COX5A: variants seen among roughly 807,000 people sequenced by gnomAD.
The protein encoded by COX5A is cytochrome c oxidase subunit 5A, mitochondrial.
COX5A carries 6 observed loss-of-function variants against 16.1 expected under a neutral mutation model. The observed-to-expected ratio is 0.37, with a 90% CI of 0.20 to 0.73. COX5A has a LOEUF of 0.73. Among genes scored for constraint, COX5A ranks in the 30% least tolerant of loss-of-function variants. The pLI, the probability that COX5A is intolerant of heterozygous loss-of-function variation, is 0.50. For synonymous variants in COX5A, 73 were observed against 73.8 expected, an observed-to-expected ratio of 0.99 and a Z score of 0.06; for missense variants, 159 against 194.9, an observed-to-expected ratio of 0.82 and a Z score of 1.10.
chr15:74,930,142 G>T (rs192806671), intron 1 of COX5A, among the ~76,000 whole-genome samples: 1 of 138,934 alleles, frequency 7.2e-6, no homozygotes, highest in Non-Finnish European at 1.6e-5. Context: ...AGACTAGGCC[G>T]GGCGCAGTGG....
At chr15:74,934,407 T>C (rs2141274725) in intron 1 of COX5A, among the ~76,000 whole-genome samples, 1 of 151,872 alleles carries the variant, frequency 6.6e-6, no homozygotes, top group Admixed American at 6.6e-5. Context: ...CTCAGCTCAC[T>C]GCAAGCTCCG....
chr15:74,928,314 C>G (rs1489282991), intron 2 of COX5A, among the ~76,000 whole-genome samples: 2 of 151,706 alleles, frequency 1.3e-5, no homozygotes, highest in Non-Finnish European at 2.9e-5. Flanking sequence ...CATGGCAAAA[C>G]AATGCAAAAA....
intron 4 of COX5A, among the ~76,000 whole-genome samples, chr15:74,922,155 G>C (rs558078572): frequency 6.6e-6 from 1 of 152,318 alleles, no homozygotes; most frequent in Non-Finnish European, 1.5e-5. Context: ...GGGAGGCTGA[G>C]GCGGGTGGAT....
chr15:74,921,516 G>C (rs1288846658), intron 4 of COX5A, among the ~76,000 whole-genome samples: 5 of 151,278 alleles, frequency 3.3e-5, no homozygotes, highest in African/African-American at 7.3e-5. Flanking sequence ...GATCACCTGA[G>C]GTCAGGAGTT....
chr15:74,937,599 G>C (rs1595864308), intron 1 of COX5A: 1 of 233,076 alleles, frequency 4.3e-6, no homozygotes, highest in East Asian at 7.7e-5. Flanking sequence ...GGTGGCCGCA[G>C]GGTCGGCGCT....
At chr15:74,932,089 C>T (rs781782312) in intron 1 of COX5A, among the ~76,000 whole-genome samples, 14 of 152,108 alleles carry the variant, frequency 9.2e-5, no homozygotes, top group Non-Finnish European at 1.8e-4. Flanking sequence ...GGGACGCTAC[C>T]CCCCTTAGCA....
chr15:74,926,478 G>C (rs2065344213), intron 3 of COX5A, among the ~76,000 whole-genome samples: 1 of 131,868 alleles, frequency 7.6e-6, no homozygotes, highest in Admixed American at 8.1e-5. Flanking sequence ...ACACGGCCAA[G>C]ATAAATTCTT....
chr15:74,930,744 T>A (rs1277665713), intron 1 of COX5A, among the ~76,000 whole-genome samples: 2 of 146,366 alleles, frequency 1.4e-5, no homozygotes, highest in Non-Finnish European at 3.0e-5. Context: ...CGGGCCGGGC[T>A]TGGTGGCTCA....
intron 4 of COX5A, among the ~76,000 whole-genome samples, chr15:74,922,873 T>C (rs1246069643): frequency 6.6e-6 from 1 of 151,828 alleles, no homozygotes. Context: ...ACCATGCTGG[T>C]CTCGAACTCC....
chr15:74,936,221 G>A (rs977528297), intron 1 of COX5A, among the ~76,000 whole-genome samples: 2 of 151,948 alleles, frequency 1.3e-5, no homozygotes, highest in African/African-American at 4.8e-5. Context: ...AGCCAAGACC[G>A]TGCTATTGCA....
intron 1 of COX5A, among the ~76,000 whole-genome samples, chr15:74,931,833 CGCG>C (rs1440478451): frequency 6.6e-6 from 1 of 152,062 alleles, no homozygotes; most frequent in Non-Finnish European, 1.5e-5. Flanking sequence ...GGATTACAGA[CGCG>C]AGCCACTGCA....
intron 2 of COX5A, among the ~76,000 whole-genome samples, 153 bp downstream of exon 2, chr15:74,928,963 T>C (rs763163663): frequency 3.9e-5 from 6 of 152,216 alleles, no homozygotes; most frequent in Non-Finnish European, 7.3e-5. Flanking sequence ...AAAATCCTGC[T>C]TTATAGGTAG....
intron 4 of COX5A, among the ~76,000 whole-genome samples, chr15:74,923,078 T>C (rs2065328957): frequency 6.6e-6 from 1 of 152,170 alleles, no homozygotes; most frequent in Non-Finnish European, 1.5e-5. Flanking sequence ...CCTAGAATAT[T>C]GTATGAAGAT....
intron 1 of COX5A, among the ~76,000 whole-genome samples, chr15:74,929,508 T>C (rs2065357383): frequency 6.6e-6 from 1 of 152,204 alleles, no homozygotes; most frequent in South Asian, 2.1e-4. Context: ...CCCTCTGATT[T>C]TAAATTAACA....
chr15:74,936,515 C>A (rs2065390729), intron 1 of COX5A, among the ~76,000 whole-genome samples: 2 of 152,228 alleles, frequency 1.3e-5, no homozygotes, highest in Middle Eastern at 3.4e-3. Context: ...TAGGGACACT[C>A]CGTCTCTAAT....
intron 1 of COX5A, among the ~76,000 whole-genome samples, chr15:74,937,448 C>T (rs1015134843): frequency 2.0e-5 from 3 of 152,190 alleles, no homozygotes; most frequent in African/African-American, 7.2e-5. Flanking sequence ...TAATCGCTAA[C>T]CGAGAAATGC....
intron 1 of COX5A, among the ~76,000 whole-genome samples, chr15:74,933,981 T>C (rs2065377961): frequency 6.6e-6 from 1 of 152,184 alleles, no homozygotes; most frequent in South Asian, 2.1e-4. Flanking sequence ...AAACTGGTTG[T>C]ATTCCAAAAA....
At chr15:74,921,356 C>T (rs1475601526) in intron 4 of COX5A, among the ~76,000 whole-genome samples, 4 of 137,188 alleles carry the variant, frequency 2.9e-5, no homozygotes, top group African/African-American at 5.4e-5. Context: ...TGCAGTGAGC[C>T]GAGATCATGC....
intron 1 of COX5A, among the ~76,000 whole-genome samples, chr15:74,929,880 C>A (rs544318357): frequency 6.6e-6 from 1 of 151,158 alleles, no homozygotes; most frequent in East Asian, 2.0e-4. Flanking sequence ...GAGATCAAGA[C>A]CATCCTGGCT....
Sources: gnomAD v4.1 joint callset for allele counts (sites outside exome capture counted in the v4.1 genomes callset) on GRCh38, gnomAD v4.1.1 for gene constraint, MANE v1.5 for transcripts, NCBI Gene and HGNC (gene_info 2026-07-23, HGNC 2026-07-21) for gene names.